The following IL1RAP variants were observed in gnomAD, a reference collection of about 807,000 sequenced individuals.
IL1RAP encodes interleukin-1 receptor accessory protein.
Under a neutral mutation model 60.7 loss-of-function variants are expected in IL1RAP, and 35 were observed. That is an observed-to-expected ratio of 0.58 (90% CI 0.44 to 0.76). The LOEUF (loss-of-function observed/expected upper bound fraction) is 0.76, where lower values mean the gene tolerates loss of function less well. IL1RAP is among the 30% of genes least tolerant of loss of function. The pLI, the probability that IL1RAP is intolerant of heterozygous loss-of-function variation, is 0.00. For synonymous variants in IL1RAP, 268 were observed against 250.9 expected (o/e 1.07, Z -0.64); for missense variants, 572 against 693.9 (o/e 0.82, Z 1.97).
chr3:190,518,862 A>G (rs1457418168), intron 1 of IL1RAP: 1 of 152,256 alleles, frequency 6.6e-6, no homozygotes, highest in Non-Finnish European at 1.5e-5. Flanking sequence ...TGTGGGAATT[A>G]TGGGAGCTAC....
intron 1 of IL1RAP, among the ~76,000 whole-genome samples, chr3:190,554,948 T>G (rs967473454): frequency 9.8e-5 from 15 of 152,352 alleles, no homozygotes; most frequent in Non-Finnish European, 2.1e-4. Flanking sequence ...TAGAGAAATC[T>G]ATGAAAACTC....
At chr3:190,623,296 GGCTGC>G in intron 6 of IL1RAP, 43 bp from the exon 7 acceptor site, 1 of 1,415,778 alleles carries the variant, frequency 7.1e-7, no homozygotes, top group South Asian at 1.2e-5. Flanking sequence ...TTTTTAATAA[GGCTGC>G]CTGATTTAAC....
intron 3 of IL1RAP, among the ~76,000 whole-genome samples, chr3:190,589,647 C>T (rs1450343426): frequency 6.6e-6 from 1 of 152,108 alleles, no homozygotes; most frequent in Non-Finnish European, 1.5e-5. Flanking sequence ...TTTCCTTTGA[C>T]TTTGTAATTT....
intron 9 of IL1RAP, among the ~76,000 whole-genome samples, chr3:190,638,610 TA>T (rs1733411250): frequency 2.0e-5 from 3 of 152,192 alleles, no homozygotes; most frequent in Admixed American, 1.3e-4. Flanking sequence ...TCTCATTTTT[TA>T]TGAGATGTAA....
At chr3:190,580,357 G>A (rs2108677020) in intron 3 of IL1RAP, among the ~76,000 whole-genome samples, 1 of 152,230 alleles carries the variant, frequency 6.6e-6, no homozygotes, top group East Asian at 1.9e-4. Flanking sequence ...ACCAAGAAGT[G>A]GGACTGCTGG....
intron 1 of IL1RAP, among the ~76,000 whole-genome samples, chr3:190,521,984 T>C (rs1722060970): frequency 6.6e-6 from 1 of 152,158 alleles, no homozygotes; most frequent in African/African-American, 2.4e-5. Flanking sequence ...TTTTGAGCTC[T>C]TAGTGCCCAC....
At chr3:190,591,461 T>A (rs1728932687) in intron 3 of IL1RAP, among the ~76,000 whole-genome samples, 2 of 152,172 alleles carry the variant, frequency 1.3e-5, no homozygotes, top group African/African-American at 4.8e-5. Context: ...AGACGTGTTT[T>A]TTGTCCTCTC....
intron 9 of IL1RAP, chr3:190,630,265 G>T (rs1156541241): frequency 2.3e-6 from 2 of 859,126 alleles, no homozygotes; most frequent in East Asian, 2.4e-4. Context: ...AAGCCTTCTT[G>T]TCAGAAGTGC....
At chr3:190,551,653 A>C (rs1410359965) in intron 1 of IL1RAP, among the ~76,000 whole-genome samples, 1 of 152,134 alleles carries the variant, frequency 6.6e-6, no homozygotes, top group African/African-American at 2.4e-5. Flanking sequence ...AGTCCTGTAC[A>C]TTTTTCTTTT....
downstream of IL1RAP, among the ~76,000 whole-genome samples, chr3:190,653,920 C>G (rs1038562557): frequency 6.6e-6 from 1 of 152,046 alleles, no homozygotes; most frequent in Non-Finnish European, 1.5e-5. Context: ...TTCGGTATAG[C>G]CCAGGACCTT....
At chr3:190,565,464 C>T (rs1726303029) in intron 3 of IL1RAP, among the ~76,000 whole-genome samples, 1 of 152,174 alleles carries the variant, frequency 6.6e-6, no homozygotes. Flanking sequence ...CCATCCTGAT[C>T]ATCTTTTCTG....
chr3:190,531,991 C>T (rs1439315139), intron 1 of IL1RAP, among the ~76,000 whole-genome samples: 1 of 145,124 alleles, frequency 6.9e-6, no homozygotes, highest in Non-Finnish European at 1.5e-5. Context: ...TCTGGCTTTG[C>T]AGAAAGGCCT....
chr3:190,550,293 C>T (rs978950686), intron 1 of IL1RAP: 3 of 152,178 alleles, frequency 2.0e-5, no homozygotes, highest in South Asian at 2.1e-4. Context: ...GCCTTTTAAC[C>T]TCTGTTATCA....
chr3:190,599,839 T>G (rs1729704777), intron 3 of IL1RAP, among the ~76,000 whole-genome samples: 1 of 79,354 alleles, frequency 1.3e-5, no homozygotes, highest in East Asian at 5.5e-4. Context: ...AATCTTTAAA[T>G]TTAACATCTA....
At chr3:190,519,121 A>C (rs1721788017) in intron 1 of IL1RAP, 1 of 152,122 alleles carries the variant, frequency 6.6e-6, no homozygotes, top group African/African-American at 2.4e-5. Flanking sequence ...TTTGGACCTA[A>C]AATGTGGGAG....
intron 2 of IL1RAP, among the ~76,000 whole-genome samples, chr3:190,561,710 A>T (rs921568285): frequency 2.0e-5 from 3 of 152,190 alleles, no homozygotes; most frequent in African/African-American, 7.2e-5. Context: ...GAATGCAGTG[A>T]AATCTCTAGT....
chr3:190,556,411 CAT>C (rs1324746805), intron 2 of IL1RAP, among the ~76,000 whole-genome samples, 195 bp downstream of exon 2: 2 of 151,946 alleles, frequency 1.3e-5, no homozygotes, highest in Non-Finnish European at 2.9e-5. Flanking sequence ...CACACACACA[CAT>C]ATGTATGTTT....
At chr3:190,546,474 G>C (rs1724380727) in intron 1 of IL1RAP, among the ~76,000 whole-genome samples, 2 of 152,178 alleles carry the variant, frequency 1.3e-5, no homozygotes, top group African/African-American at 4.8e-5. Context: ...ATGTTGCTTG[G>C]ACTGATTTGT....
chr3:190,587,966 C>T (rs1728610234), intron 3 of IL1RAP, among the ~76,000 whole-genome samples: 1 of 152,146 alleles, frequency 6.6e-6, no homozygotes, highest in African/African-American at 2.4e-5. Context: ...CTAAACTATA[C>T]ATTACTATGG....
Sources: allele counts gnomAD v4.1 joint callset (sites outside exome capture counted in the v4.1 genomes callset), GRCh38; gene constraint gnomAD v4.1.1; transcripts MANE v1.5; gene names NCBI Gene and HGNC (gene_info 2026-07-23, HGNC 2026-07-21).